Variants in KCNIP4 observed in about 807,000 individuals in gnomAD.
KCNIP4 encodes Kv channel-interacting protein 4.
In KCNIP4, 12 loss-of-function variants were observed where a neutral mutation model predicts 34.0. The ratio of observed to expected loss-of-function variants is 0.35; its 90% CI spans 0.23 to 0.57. The LOEUF (loss-of-function observed/expected upper bound fraction) is 0.57. KCNIP4 is among the 20% of genes least tolerant of loss of function. KCNIP4 has a pLI of 0.83. For missense variants in KCNIP4, 238 were observed against 311.7 expected, an observed-to-expected ratio of 0.76 and a Z score of 1.78; for synonymous variants, 124 against 102.2, an observed-to-expected ratio of 1.21 and a Z score of -1.29.
intron 4 of KCNIP4, among the ~76,000 whole-genome samples, chr4:20,753,906 GTTCA>G (rs3835144): frequency 0.69 from 104,815 of 151,178 alleles, 36,427 homozygotes; most frequent in Admixed American, 0.72. Context: ...GAGCTCATTT[GTTCA>G]TTCATTCATT....
chr4:20,986,869 G>A (rs544244429), intron 1 of KCNIP4, among the ~76,000 whole-genome samples: 14 of 152,286 alleles, frequency 9.2e-5, no homozygotes, highest in Middle Eastern at 3.4e-3. Flanking sequence ...TACTTAGAAT[G>A]TGCCAGCTGA....
intron 1 of KCNIP4, among the ~76,000 whole-genome samples, chr4:21,158,217 TA>T (rs1753299300): frequency 6.6e-6 from 1 of 152,100 alleles, no homozygotes; most frequent in Admixed American, 6.6e-5. Context: ...CCTTCGATTC[TA>T]CCAAACATAC....
intron 1 of KCNIP4, among the ~76,000 whole-genome samples, chr4:21,790,318 C>A (rs1168213380): frequency 6.6e-6 from 1 of 152,154 alleles, no homozygotes; most frequent in African/African-American, 2.4e-5. Flanking sequence ...CGATTAAAAA[C>A]ATATTTCATC....
chr4:21,138,595 A>G (rs1046500221), intron 1 of KCNIP4, among the ~76,000 whole-genome samples: 11 of 151,968 alleles, frequency 7.2e-5, no homozygotes, highest in African/African-American at 2.7e-4. Context: ...TTATGGCCTC[A>G]TGATGTCCAA....
At chr4:21,359,490 A>C (rs1422706315) in intron 1 of KCNIP4, among the ~76,000 whole-genome samples, 2 of 152,168 alleles carry the variant, frequency 1.3e-5, no homozygotes, top group Non-Finnish European at 2.9e-5. Context: ...AGGCATCATA[A>C]ACCGAATGAG....
intron 1 of KCNIP4, among the ~76,000 whole-genome samples, chr4:21,821,492 C>A (rs1722351940): frequency 2.0e-5 from 3 of 152,060 alleles, no homozygotes; most frequent in Non-Finnish European, 1.5e-5. Flanking sequence ...TGAAATTGAG[C>A]AGGGAAATTT....
At chr4:21,355,516 A>G (rs1718494047) in intron 1 of KCNIP4, among the ~76,000 whole-genome samples, 2 of 152,354 alleles carry the variant, frequency 1.3e-5, no homozygotes, top group African/African-American at 4.8e-5. Flanking sequence ...AGAGAATACT[A>G]TAAACACCTC....
At chr4:21,240,747 C>A (rs552783860) in intron 1 of KCNIP4, among the ~76,000 whole-genome samples, 4 of 152,294 alleles carry the variant, frequency 2.6e-5, no homozygotes, top group Admixed American at 2.6e-4. Flanking sequence ...GTGCAGCCAA[C>A]TCAAAAGTAC....
chr4:21,945,210 C>T (rs1730444053), intron 1 of KCNIP4, among the ~76,000 whole-genome samples: 1 of 152,210 alleles, frequency 6.6e-6, no homozygotes, highest in Admixed American at 6.5e-5. Flanking sequence ...ACCTGGCCTA[C>T]AATTCTCCAG....
rs555585102 is a variant in KCNIP4, at chr4:21,396,549, CAA to C, written c.62-513842_62-513841del. Among the ~76,000 whole-genome samples, 517 of 52,818 alleles carry C rather than the reference CAA, an allele frequency of 9.8e-3. 10 individuals carry two copies. Among genetic ancestry groups the C allele is most frequent in the African/African-American group, 0.026 (462 of 17,662 alleles). The allele number at this position is 52,818 out of a possible 152,430, so 34.7% of individuals were successfully genotyped here. A position where few individuals can be genotyped will look rare whatever the true frequency, so the allele number is the denominator to read the frequency against. On this transcript the variant is annotated intron_variant, in intron 1 of 8. Transcript: ENST00000382152. ...CCAGCCTGGTGACAGAGCAAGACTC[CAA>C]AAAAAAAAAAAAAAAAAGAGGATTC... is the stretch of plus-strand genomic sequence containing the variant.
At chr4:21,026,629 G>T (rs180923556) in intron 1 of KCNIP4, among the ~76,000 whole-genome samples, 79 of 152,234 alleles carry the variant, frequency 5.2e-4, no homozygotes, top group African/African-American at 1.8e-3. Context: ...ACTCCAGCCT[G>T]GGGGGACAGA....
chr4:21,125,205 T>TATTTTATTTTATTTTATTTTA (rs1750515903), intron 1 of KCNIP4, among the ~76,000 whole-genome samples: 1 of 144,732 alleles, frequency 6.9e-6, no homozygotes, highest in Non-Finnish European at 1.5e-5. Flanking sequence ...TATTTTATTT[T>TATTTTATTTTATTTTATTTTA]ATTTTATTTT....
At chr4:21,583,813 C>T (rs377539080) in intron 1 of KCNIP4, among the ~76,000 whole-genome samples, 22 of 152,100 alleles carry the variant, frequency 1.4e-4, no homozygotes, top group African/African-American at 5.3e-4. Flanking sequence ...GCTTCAGTGA[C>T]ACACAGAAGT....
chr4:21,323,946 T>C (rs1046488717), intron 1 of KCNIP4, among the ~76,000 whole-genome samples: 1 of 152,042 alleles, frequency 6.6e-6, no homozygotes, highest in African/African-American at 2.4e-5. Flanking sequence ...CCATTTTAAC[T>C]GGGGTGAGAA....
intron 1 of KCNIP4, among the ~76,000 whole-genome samples, chr4:21,040,356 G>A (rs951805403): frequency 9.9e-5 from 15 of 152,118 alleles, no homozygotes; most frequent in African/African-American, 3.6e-4. Flanking sequence ...TATTTACTCT[G>A]ACATATTTTC....
intron 1 of KCNIP4, among the ~76,000 whole-genome samples, chr4:21,856,665 A>G (rs540385149): frequency 5.7e-4 from 87 of 152,146 alleles, no homozygotes; most frequent in African/African-American, 2.0e-3. Flanking sequence ...CAGCTGCCCA[A>G]TCTGTGGCTG....
chr4:21,858,102 C>T (rs897667337), intron 1 of KCNIP4, among the ~76,000 whole-genome samples: 1 of 152,220 alleles, frequency 6.6e-6, no homozygotes, highest in African/African-American at 2.4e-5. Context: ...TGCTCACTCA[C>T]TCACACAACC....
At chr4:21,180,459 G>C (rs1253072469) in intron 1 of KCNIP4, among the ~76,000 whole-genome samples, 5 of 151,896 alleles carry the variant, frequency 3.3e-5, no homozygotes, top group African/African-American at 1.2e-4. Context: ...ACATTTATTA[G>C]ATAATACTTG....
chr4:21,437,879 A>G (rs1350893479), intron 1 of KCNIP4, among the ~76,000 whole-genome samples: 7 of 104,824 alleles, frequency 6.7e-5, no homozygotes, highest in African/African-American at 2.6e-4. Flanking sequence ...TTTATTTTAC[A>G]AGTGTGTGTG....
Sources: allele counts gnomAD v4.1 joint callset (sites outside exome capture counted in the v4.1 genomes callset), GRCh38; gene constraint gnomAD v4.1.1; transcripts MANE v1.5; gene names NCBI Gene and HGNC (gene_info 2026-07-23, HGNC 2026-07-21).